Variants in VPS50 observed in about 807,000 individuals in gnomAD.
VPS50 encodes VPS50 subunit of EARP/GARPII complex.
In VPS50, 70 loss-of-function variants were observed where a neutral mutation model predicts 139.7. That is an observed-to-expected ratio of 0.50 (90% CI 0.41 to 0.61). VPS50 has a LOEUF of 0.61. VPS50 is among the 20% of genes least tolerant of loss of function. The pLI is 0.00. For synonymous variants in VPS50, 365 were observed against 376.7 expected, an observed-to-expected ratio of 0.97 and a Z score of 0.36; for missense variants, 921 against 1,133.7, an observed-to-expected ratio of 0.81 and a Z score of 2.69.
rs181362702 is a variant in VPS50, at chr7:93,270,438, T to G, written c.660-782T>G. Among the ~76,000 whole-genome samples, 367 of 152,208 alleles carry G rather than the reference T, an allele frequency of 2.4e-3. 1 individual carries two copies. The highest frequency in any genetic ancestry group is 8.3e-3 in the African/African-American group (346 of 41,558). ...ACTTCTTTTGCCAAACATATTTTTG[T>G]GGTTCACATAAATTTTAATTGCTAT... On this transcript the variant is annotated intron_variant, in intron 9 of 27. Coordinates refer to ENST00000305866, the MANE Select transcript of VPS50 (RefSeq NM_017667.4).
intron 20 of VPS50, among the ~76,000 whole-genome samples, chr7:93,313,125 A>G (rs1797320122): frequency 6.6e-6 from 1 of 152,216 alleles, no homozygotes; most frequent in African/African-American, 2.4e-5. Context: ...CATGGGGAGA[A>G]GAGCAAAAGC....
intron 13 of VPS50, among the ~76,000 whole-genome samples, chr7:93,292,582 T>TG (rs931838408): frequency 1.3e-5 from 2 of 152,130 alleles, no homozygotes; most frequent in African/African-American, 4.8e-5. Context: ...TCTTTTTTTT[T>TG]GTATTATATA....
At chr7:93,269,187 C>T (rs1271540397) in intron 9 of VPS50, among the ~76,000 whole-genome samples, 2 of 152,016 alleles carry the variant, frequency 1.3e-5, no homozygotes, top group Non-Finnish European at 2.9e-5. Context: ...CATAGCTATC[C>T]TTTTGGGGGA....
rs1171695561 is a variant in VPS50 at position 93,296,867 on chromosome 7, G to GT, written c.1262+34dup. 6 of 1,561,148 alleles carry GT rather than the reference G, an allele frequency of 3.8e-6. No individual in the cohort carries two copies. In the East Asian group the frequency reaches 1.4e-4, roughly 35 times the overall value. ...ATTTAAGATCTTGTCTTATTCTTTAGTTTGAGTCATTCAACCATGATAAAT... is the reference window on the plus strand; with the variant it reads ...ATTTAAGATCTTGTCTTATTCTTTAGTTTTGAGTCATTCAACCATGATAAAT... On this transcript the variant is annotated intron_variant, in intron 15 of 27. Transcript: ENST00000305866.
intron 21 of VPS50, among the ~76,000 whole-genome samples, chr7:93,329,503 A>G (rs945383777): frequency 2.0e-5 from 3 of 151,916 alleles, no homozygotes; most frequent in Non-Finnish European, 1.5e-5. Flanking sequence ...CTAGATGGAG[A>G]AGAAGAGAGA....
In VPS50 at chr7:93,326,029, A is replaced by G. The variant is rs1797759466; in HGVS notation, c.1977+2297A>G. Among the ~76,000 whole-genome samples, 7 of 152,110 alleles carry G rather than the reference A, an allele frequency of 4.6e-5. No homozygotes were observed. In the South Asian group the frequency reaches 1.5e-3, roughly 32 times the overall value. On this transcript the variant is annotated intron_variant, in intron 21 of 27. Transcript: ENST00000305866. ...TTATTGTGGCACTATTCACAATGGC[A>G]AAGACTTGGAACCAAGCCAAATGTC...
At chr7:93,254,834 A>G (rs1795440697) in intron 4 of VPS50, among the ~76,000 whole-genome samples, 1 of 152,206 alleles carries the variant, frequency 6.6e-6, no homozygotes, top group Non-Finnish European at 1.5e-5. Context: ...TTTTTCAACA[A>G]AAGGACCAGT....
At chr7:93,273,509 G>A (rs1272369435) in intron 11 of VPS50, 1 of 151,942 alleles carries the variant, frequency 6.6e-6, no homozygotes, top group Non-Finnish European at 1.5e-5. Flanking sequence ...TAATTTTCAT[G>A]TCTTAAGCTA....
At chr7:93,253,759 G>A in intron 3 of VPS50, 101 bp from the exon 4 acceptor site, 3 of 655,622 alleles carry the variant, frequency 4.6e-6, no homozygotes, top group South Asian at 4.0e-5. Context: ...ACACTGTTTT[G>A]TATGCACAGT....
intron 12 of VPS50, among the ~76,000 whole-genome samples, chr7:93,281,025 T>C (rs1584421991): frequency 6.6e-6 from 1 of 152,104 alleles, no homozygotes; most frequent in Non-Finnish European, 1.5e-5. Flanking sequence ...ACATTGGAGG[T>C]GTTTCCTTAG....
At chr7:93,311,025 G>GTTAA in intron 19 of VPS50, 141 bp from the exon 20 acceptor site, 1 of 591,478 alleles carries the variant, frequency 1.7e-6, no homozygotes, top group Non-Finnish European at 3.0e-6. Context: ...TTTATAAGAA[G>GTTAA]TTAATTTCTA....
At chr7:93,318,948 G>T (rs1004311257) in intron 20 of VPS50, among the ~76,000 whole-genome samples, 1 of 151,992 alleles carries the variant, frequency 6.6e-6, no homozygotes, top group East Asian at 1.9e-4. Context: ...ATTTTTATAA[G>T]CTTATTCATA....
intron 9 of VPS50, among the ~76,000 whole-genome samples, chr7:93,264,763 G>C (rs1366436038): frequency 6.6e-6 from 1 of 152,106 alleles, no homozygotes; most frequent in African/African-American, 2.4e-5. Context: ...TTATAGCAAG[G>C]TGTGCCTGCT....
chr7:93,314,364 C>G (rs568112054), intron 20 of VPS50, among the ~76,000 whole-genome samples: 14 of 152,214 alleles, frequency 9.2e-5, no homozygotes, highest in Middle Eastern at 3.4e-3. Context: ...CTTCCTTACC[C>G]CAGGTGGTAA....
intron 20 of VPS50, among the ~76,000 whole-genome samples, chr7:93,312,972 C>G (rs901286887): frequency 6.6e-6 from 1 of 152,206 alleles, no homozygotes; most frequent in Admixed American, 6.5e-5. Context: ...TAACAAGCAA[C>G]TGTTGGTGCA....
chr7:93,305,373 A>G (rs184106108), intron 17 of VPS50, among the ~76,000 whole-genome samples: 1 of 152,106 alleles, frequency 6.6e-6, no homozygotes, highest in Admixed American at 6.6e-5. Context: ...TGTAACACAG[A>G]TATGTACTTC....
chr7:93,251,896 T>C (rs1187784659), intron 2 of VPS50, among the ~76,000 whole-genome samples: 1 of 152,336 alleles, frequency 6.6e-6, no homozygotes, highest in Middle Eastern at 3.4e-3. Flanking sequence ...AGTGGGTATC[T>C]GAATTGTAAA....
intron 22 of VPS50, among the ~76,000 whole-genome samples, chr7:93,339,444 A>G (rs1470354454): frequency 1.3e-5 from 2 of 152,230 alleles, no homozygotes; most frequent in South Asian, 4.1e-4. Flanking sequence ...TATGCATTTG[A>G]TGTCTCATTT....
chr7:93,316,471 A>T (rs1051821987), intron 20 of VPS50, among the ~76,000 whole-genome samples: 1 of 152,254 alleles, frequency 6.6e-6, no homozygotes, highest in Non-Finnish European at 1.5e-5. Context: ...GCAAGGGATG[A>T]TGAGGACATA....
Sources: gnomAD v4.1 joint callset for allele counts (sites outside exome capture counted in the v4.1 genomes callset) on GRCh38, gnomAD v4.1.1 for gene constraint, MANE v1.5 for transcripts, NCBI Gene and HGNC (gene_info 2026-07-23, HGNC 2026-07-21) for gene names.